Variants in ELP3 observed in about 807,000 individuals in gnomAD.
ELP3 encodes the protein elongator acetyltransferase complex subunit 3, also known as elongator complex protein 3.
Under a neutral mutation model 74.9 loss-of-function variants are expected in ELP3, and 56 were observed. The ratio of observed to expected loss-of-function variants is 0.75; its 90% CI spans 0.60 to 0.93. The LOEUF is 0.93. Ranked by LOEUF, ELP3 falls within the 40% of genes least tolerant of loss-of-function variation. The probability of loss-of-function intolerance (pLI) is 0.00; values close to 1 mark genes in which losing one functional copy is unlikely to be tolerated. For missense variants in ELP3, 573 were observed against 686.5 expected (o/e 0.83, Z 1.85); for synonymous variants, 222 against 239.8 (o/e 0.93, Z 0.68).
At chr8:28,159,865 AG>A (rs1188909335) in intron 12 of ELP3, among the ~76,000 whole-genome samples, 1 of 152,192 alleles carries the variant, frequency 6.6e-6, no homozygotes, top group Non-Finnish European at 1.5e-5. Flanking sequence ...TTTGAGACAA[AG>A]GGGTGCTCCT....
chr8:28,162,310 C>T (rs1410921693), intron 14 of ELP3, among the ~76,000 whole-genome samples: 1 of 152,202 alleles, frequency 6.6e-6, no homozygotes, highest in Non-Finnish European at 1.5e-5. Flanking sequence ...CCCTCTTCTG[C>T]ACTCTCTGTC....
chr8:28,091,201 C>G (rs981858595), upstream of ELP3, among the ~76,000 whole-genome samples: 1 of 152,032 alleles, frequency 6.6e-6, no homozygotes, highest in Non-Finnish European at 1.5e-5. Context: ...CCACCGCGCC[C>G]GGCCGTAAAT....
intron 13 of ELP3, among the ~76,000 whole-genome samples, 197 bp from the exon 14 acceptor site, chr8:28,161,800 C>T (rs115956519): frequency 1.8e-3 from 271 of 152,308 alleles, no homozygotes; most frequent in African/African-American, 6.3e-3. Flanking sequence ...TCAAAAGTTA[C>T]ACCTTTTTCA....
At chr8:28,139,353 T>A (rs1006852737) in intron 10 of ELP3, among the ~76,000 whole-genome samples, 1 of 152,132 alleles carries the variant, frequency 6.6e-6, no homozygotes, top group African/African-American at 2.4e-5. Flanking sequence ...AGAAAATTAG[T>A]GTGAGCACTG....
chr8:28,148,151 A>G (rs1227603943), intron 10 of ELP3, among the ~76,000 whole-genome samples: 1 of 152,196 alleles, frequency 6.6e-6, no homozygotes, highest in Non-Finnish European at 1.5e-5. Flanking sequence ...AAATGCTACT[A>G]CTAATAGCAT....
In ELP3 at chr8:28,099,037, C is replaced by T. The variant is rs545113992; in HGVS notation, c.120-791C>T. ...GAACATGAAAGGACTGTGCCTTGCA[C>T]ATTTGAACATAGCAGGTATTCAGGC... is the stretch of plus-strand genomic sequence containing the variant. On this transcript the variant is annotated intron_variant, in intron 2 of 14. Transcript: ENST00000256398. Among the ~76,000 whole-genome samples the T allele has an allele frequency of 2.6e-5, 4 of 152,350 alleles. No homozygotes were observed. In the Middle Eastern group the frequency reaches 0.01, roughly 389 times the overall value.
intron 1 of ELP3, among the ~76,000 whole-genome samples, chr8:28,095,735 C>T (rs891328658): frequency 1.3e-5 from 2 of 152,210 alleles, no homozygotes; most frequent in Admixed American, 6.5e-5. Context: ...GCCTTAGCCT[C>T]ATTTTTCACA....
chr8:28,123,990 G>A lies in ELP3; in HGVS notation c.618-5512G>A, dbSNP rs554774185. Among the ~76,000 whole-genome samples the A allele has an allele frequency of 2.2e-4, 33 of 151,810 alleles. 3 individuals carry two copies. In the South Asian group the frequency reaches 6.2e-3, roughly 29 times the overall value. On this transcript the variant is annotated intron_variant, in intron 7 of 14. Coordinates refer to ENST00000256398, the MANE Select transcript of ELP3 (RefSeq NM_018091.6). ...CTCGTGTGTGCCTTTTAATTGGAGT[G>A]TTTAGTCTGTTAACATTTGATGTAA...
intron 2 of ELP3, among the ~76,000 whole-genome samples, chr8:28,099,489 C>T (rs1811387619): frequency 6.6e-6 from 1 of 152,192 alleles, no homozygotes; most frequent in Admixed American, 6.5e-5. Context: ...TGGTCCCAAA[C>T]ATCAGTAGTG....
Position 28,161,987 on chromosome 8 carries a change from C to A in ELP3, c.1486-10C>A. The A allele has an allele frequency of 6.2e-7, 1 of 1,613,880 alleles. No homozygotes were observed. Among genetic ancestry groups the A allele is most frequent in the Admixed American group, 1.7e-5 (1 of 60,020 alleles). The stretch of plus-strand genomic sequence containing the variant: ...TTTTAATTCCCACTCCCCATTGTTG[C>A]TCCGTGCAGGGATTTGGCATGCTGC... On this transcript the variant is annotated splice_polypyrimidine_tract_variant and intron_variant, in intron 13 of 14. Transcript: ENST00000256398.
At chr8:28,126,248 C>T (rs1812573768) in intron 7 of ELP3, among the ~76,000 whole-genome samples, 1 of 152,122 alleles carries the variant, frequency 6.6e-6, no homozygotes, top group Non-Finnish European at 1.5e-5. Flanking sequence ...TATTGGAGCT[C>T]TGTTTTGAAG....
At chr8:28,097,399 C>G in intron 2 of ELP3, 81 bp downstream of exon 2, 3 of 869,782 alleles carry the variant, frequency 3.4e-6, no homozygotes, top group Non-Finnish European at 5.4e-6. Context: ...TACTTGTTTT[C>G]CAGCTCAAGT....
Sources: allele counts gnomAD v4.1 joint callset (sites outside exome capture counted in the v4.1 genomes callset), GRCh38; gene constraint gnomAD v4.1.1; transcripts MANE v1.5; gene names NCBI Gene and HGNC (gene_info 2026-07-23, HGNC 2026-07-21).